The following ERBB4 variants were observed in gnomAD, a reference collection of about 807,000 sequenced individuals.
ERBB4 encodes receptor tyrosine-protein kinase erbB-4.
In ERBB4, 42 loss-of-function variants were observed where a neutral mutation model predicts 158.0. That is an observed-to-expected ratio of 0.27 (90% CI 0.21 to 0.34). The LOEUF is 0.34. Among genes scored for constraint, ERBB4 ranks in the 10% least tolerant of loss-of-function variants. The probability of loss-of-function intolerance (pLI) is 1.00; values close to 1 mark genes in which losing one functional copy is unlikely to be tolerated. For synonymous variants in ERBB4, 583 were observed against 558.7 expected (o/e 1.04, Z -0.61); for missense variants, 1,333 against 1,624.1 (o/e 0.82, Z 3.08).
At chr2:211,901,243 T>C (rs996036440) in intron 3 of ERBB4, among the ~76,000 whole-genome samples, 3 of 152,144 alleles carry the variant, frequency 2.0e-5, no homozygotes, top group Admixed American at 1.3e-4. Flanking sequence ...CTTAGCTATT[T>C]TGAAATTCAT....
At chr2:211,492,276 G>T (rs527434895) in intron 20 of ERBB4, among the ~76,000 whole-genome samples, 6 of 152,182 alleles carry the variant, frequency 3.9e-5, no homozygotes, top group Admixed American at 3.9e-4. Context: ...TCTGATTTTG[G>T]GGGGAGCATT....
At chr2:211,742,897 T>A (rs889736542) in intron 5 of ERBB4, among the ~76,000 whole-genome samples, 14 of 151,998 alleles carry the variant, frequency 9.2e-5, no homozygotes, top group Non-Finnish European at 4.4e-5. Flanking sequence ...GATTTTGAGA[T>A]AACCTGGCAA....
intron 20 of ERBB4, among the ~76,000 whole-genome samples, chr2:211,551,506 T>C (rs1223836593): frequency 1.3e-5 from 2 of 152,182 alleles, no homozygotes; most frequent in African/African-American, 4.8e-5. Context: ...TGTCCAAATA[T>C]ACCCAAGGAA....
chr2:212,413,229 G>A (rs752646573), intron 1 of ERBB4, among the ~76,000 whole-genome samples: 9 of 140,752 alleles, frequency 6.4e-5, no homozygotes, highest in South Asian at 2.3e-4. Flanking sequence ...CTCGTGATCC[G>A]CCCGACTCGG....
Position 212,023,717 on chromosome 2 carries a change from GA to G in ERBB4, c.235-76102del, listed in dbSNP as rs939106884. On this transcript the variant is annotated intron_variant, in intron 2 of 27. Transcript: ENST00000342788. ...TTTCTGCTAATTCAACTTTTCTTTT[GA>G]AAAAAAAAAGAAAACAATTTTATTG... Among the ~76,000 whole-genome samples, 183 of 143,444 alleles carry G rather than the reference GA, an allele frequency of 1.3e-3. 1 individual carries two copies. The highest frequency in any genetic ancestry group is 3.4e-3 in the African/African-American group (133 of 39,298). The allele number at this position is 143,444 out of a possible 152,430, so 94.1% of individuals were successfully genotyped here.
chr2:211,527,416 T>C (rs1054897708), intron 20 of ERBB4, among the ~76,000 whole-genome samples: 1 of 152,060 alleles, frequency 6.6e-6, no homozygotes, highest in African/African-American at 2.4e-5. Context: ...AAAAGTGTTA[T>C]CAACACCAGA....
intron 3 of ERBB4, among the ~76,000 whole-genome samples, chr2:211,864,857 A>G (rs1213129723): frequency 6.6e-6 from 1 of 151,958 alleles, no homozygotes; most frequent in Non-Finnish European, 1.5e-5. Flanking sequence ...CTAAAAATAC[A>G]AAAATTAGCT....
At chr2:212,101,345 C>CTATACATATATATA (rs1553558260) in intron 2 of ERBB4, among the ~76,000 whole-genome samples, 3 of 98,236 alleles carry the variant, frequency 3.1e-5, no homozygotes, top group South Asian at 2.9e-4. Flanking sequence ...CACACACACC[C>CTATACATATATATA]TATACATATA....
intron 20 of ERBB4, among the ~76,000 whole-genome samples, chr2:211,495,770 GAACT>G (rs1021373313): frequency 2.0e-5 from 3 of 151,994 alleles, no homozygotes; most frequent in East Asian, 1.9e-4. Flanking sequence ...CAGAGAAAAT[GAACT>G]AACTTGTAAA....
intron 1 of ERBB4, among the ~76,000 whole-genome samples, chr2:212,230,159 C>T (rs1332649278): frequency 6.6e-6 from 1 of 151,982 alleles, no homozygotes; most frequent in Admixed American, 6.5e-5. Flanking sequence ...GTGGTGAATG[C>T]CTATAATCCC....
At chr2:211,927,478 A>G (rs1217469170) in intron 3 of ERBB4, among the ~76,000 whole-genome samples, 5 of 152,176 alleles carry the variant, frequency 3.3e-5, no homozygotes, top group Admixed American at 2.6e-4. Flanking sequence ...AATGAAAAGG[A>G]TGTTTGTTTT....
At chr2:211,426,133 AAAAC>A (rs2063622144) in intron 22 of ERBB4, among the ~76,000 whole-genome samples, 1 of 152,238 alleles carries the variant, frequency 6.6e-6, no homozygotes, top group Non-Finnish European at 1.5e-5. Context: ...ATAAAATACA[AAAAC>A]AAAAGCCAAA....
intron 1 of ERBB4, among the ~76,000 whole-genome samples, chr2:212,159,504 T>C (rs931279411): frequency 6.6e-6 from 1 of 151,988 alleles, no homozygotes; most frequent in Non-Finnish European, 1.5e-5. Flanking sequence ...TAGAAGTTCA[T>C]ATATTTTCAA....
intron 1 of ERBB4, among the ~76,000 whole-genome samples, chr2:212,444,839 T>A (rs1444143282): frequency 6.6e-6 from 1 of 152,022 alleles, no homozygotes; most frequent in Non-Finnish European, 1.5e-5. Flanking sequence ...GCCAGCTACC[T>A]GGTGGCAGGT....
chr2:211,837,762 C>T (rs1465010360), intron 3 of ERBB4, among the ~76,000 whole-genome samples: 2 of 152,064 alleles, frequency 1.3e-5, no homozygotes, highest in Admixed American at 1.3e-4. Context: ...TCTCTCTAGG[C>T]ACTAGGTTCC....
At chr2:212,025,024 T>C (rs534688898) in intron 2 of ERBB4, among the ~76,000 whole-genome samples, 1 of 151,940 alleles carries the variant, frequency 6.6e-6, no homozygotes, top group East Asian at 1.9e-4. Flanking sequence ...AATAAACATG[T>C]ACCATTAATG....
chr2:211,603,669 C>A (rs2068874074), intron 19 of ERBB4, among the ~76,000 whole-genome samples: 1 of 152,098 alleles, frequency 6.6e-6, no homozygotes, highest in Admixed American at 6.5e-5. Flanking sequence ...GATAAAATTC[C>A]TGGACCATCA....
At chr2:211,474,141 CT>C (rs2064897244) in intron 20 of ERBB4, among the ~76,000 whole-genome samples, 1 of 152,020 alleles carries the variant, frequency 6.6e-6, no homozygotes, top group Non-Finnish European at 1.5e-5. Context: ...AATATTTTAT[CT>C]GGCTTTTATT....
At chr2:212,381,300 T>G (rs2090496388) in intron 1 of ERBB4, among the ~76,000 whole-genome samples, 1 of 151,280 alleles carries the variant, frequency 6.6e-6, no homozygotes, top group Admixed American at 6.6e-5. Flanking sequence ...CCTAAATGAT[T>G]AAGTAACCAC....
Sources: allele counts gnomAD v4.1 joint callset (sites outside exome capture counted in the v4.1 genomes callset), GRCh38; gene constraint gnomAD v4.1.1; transcripts MANE v1.5; gene names NCBI Gene and HGNC (gene_info 2026-07-23, HGNC 2026-07-21).